Variants in AUTS2 observed in about 807,000 individuals in gnomAD.
AUTS2 encodes activator of transcription and developmental regulator AUTS2, also known as autism susceptibility gene 2 protein.
Under a neutral mutation model 112.4 loss-of-function variants are expected in AUTS2, and 17 were observed. The ratio of observed to expected loss-of-function variants is 0.15; its 90% confidence interval spans 0.10 to 0.23. The LOEUF (loss-of-function observed/expected upper bound fraction) is 0.23, where lower values mean the gene tolerates loss of function less well. Among genes scored for constraint, AUTS2 ranks in the 10% least tolerant of loss-of-function variants. AUTS2 has a pLI of 1.00. For missense variants in AUTS2, 1,510 were observed against 1,701.6 expected (o/e 0.89, Z 1.98); for synonymous variants, 751 against 702.7 (o/e 1.07, Z -1.09).
intron 4 of AUTS2, among the ~76,000 whole-genome samples, chr7:70,158,186 T>A (rs1409211653): frequency 6.6e-6 from 1 of 151,854 alleles, no homozygotes; most frequent in Admixed American, 6.6e-5. Context: ...TCCCAAGTGG[T>A]CTTGACAAGT....
intron 5 of AUTS2, among the ~76,000 whole-genome samples, chr7:70,443,775 TA>T (rs1380517378): frequency 6.6e-6 from 1 of 152,226 alleles, no homozygotes; most frequent in Non-Finnish European, 1.5e-5. Context: ...TATAGTTGCT[TA>T]ACTCTGATGG....
intron 1 of AUTS2, among the ~76,000 whole-genome samples, chr7:69,725,962 A>G (rs1375512338): frequency 6.7e-6 from 1 of 149,992 alleles, no homozygotes; most frequent in Non-Finnish European, 1.5e-5. Context: ...AAGGGTAGAA[A>G]AGTTAGATTA....
intron 4 of AUTS2, among the ~76,000 whole-genome samples, chr7:70,157,595 A>G (rs1453410778): frequency 6.6e-6 from 1 of 152,186 alleles, no homozygotes; most frequent in Non-Finnish European, 1.5e-5. Context: ...GCTAGGAGGC[A>G]TGAGCCACCA....
intron 1 of AUTS2, among the ~76,000 whole-genome samples, chr7:69,833,750 G>A (rs1279249559): frequency 6.6e-6 from 1 of 152,106 alleles, no homozygotes; most frequent in Non-Finnish European, 1.5e-5. Flanking sequence ...CCTGATATTT[G>A]ATCCTGAAAA....
At chr7:70,314,641 G>T (rs897902857) in intron 4 of AUTS2, among the ~76,000 whole-genome samples, 1 of 151,874 alleles carries the variant, frequency 6.6e-6, no homozygotes, top group Non-Finnish European at 1.5e-5. Flanking sequence ...CCAGACTTTC[G>T]TATCACACTT....
At chr7:70,625,866 T>G (rs2057911) in intron 5 of AUTS2, among the ~76,000 whole-genome samples, 1 of 152,268 alleles carries the variant, frequency 6.6e-6, no homozygotes, top group Non-Finnish European at 1.5e-5. Flanking sequence ...TTTTTCAGCT[T>G]TCGAATCATC....
intron 4 of AUTS2, among the ~76,000 whole-genome samples, chr7:70,416,247 A>G (rs562290740): frequency 1.1e-4 from 16 of 152,360 alleles, no homozygotes; most frequent in South Asian, 2.1e-4. Flanking sequence ...TCAATAGTCT[A>G]TGCCTTCAAT....
chr7:69,672,415 A>G (rs1339728948), intron 1 of AUTS2, among the ~76,000 whole-genome samples: 2 of 152,186 alleles, frequency 1.3e-5, no homozygotes, highest in East Asian at 3.8e-4. Flanking sequence ...CATGAACTCT[A>G]TCTTGGATAT....
chr7:70,091,831 C>T (rs939681766), intron 2 of AUTS2, among the ~76,000 whole-genome samples: 1 of 152,138 alleles, frequency 6.6e-6, no homozygotes, highest in Non-Finnish European at 1.5e-5. Context: ...TTATACCCAA[C>T]ATGTAGGAAT....
chr7:69,887,812 G>T (rs1437426745), intron 1 of AUTS2, among the ~76,000 whole-genome samples: 1 of 152,106 alleles, frequency 6.6e-6, no homozygotes, highest in South Asian at 2.1e-4. Flanking sequence ...ATTATAATTT[G>T]GCCTTGATAT....
intron 1 of AUTS2, among the ~76,000 whole-genome samples, chr7:69,657,554 C>T (rs1166372948): frequency 2.0e-5 from 3 of 152,158 alleles, no homozygotes; most frequent in African/African-American, 7.2e-5. Context: ...GCCGGAGGTC[C>T]TGGCCTGGAA....
rs1435406989 is a variant in AUTS2 at position 69,894,266 on chromosome 7, T to TG, written c.310-5020_310-5019insG. 4.9e-3 allele frequency among the ~76,000 whole-genome samples: 585 copies of TG among 118,784 alleles called. 5 individuals carry two copies. Among genetic ancestry groups the TG allele is most frequent in the African/African-American group, 0.016 (562 of 34,210 alleles). The allele number at this position is 118,784 out of a possible 152,430, so 77.9% of individuals were successfully genotyped here. A position where few individuals can be genotyped will look rare whatever the true frequency, so the allele number is the denominator to read the frequency against. Reference sequence around the variant, plus strand: ...TGCCTTAAAGCGTTTTTTTTTTTTTTTTTTTTTTTTTTAACAGATTTCTTT... The same window carrying TG: ...TGCCTTAAAGCGTTTTTTTTTTTTTTGTTTTTTTTTTTTAACAGATTTCTTT... On this transcript the variant is annotated intron_variant, in intron 1 of 18. Transcript: ENST00000342771.
chr7:70,064,427 T>C (rs1376408048), intron 2 of AUTS2, among the ~76,000 whole-genome samples: 1 of 152,130 alleles, frequency 6.6e-6, no homozygotes, highest in Non-Finnish European at 1.5e-5. Context: ...ATCCAGCAAG[T>C]AGATAGTATA....
intron 4 of AUTS2, among the ~76,000 whole-genome samples, chr7:70,156,782 G>T (rs1807785226): frequency 6.6e-6 from 1 of 150,824 alleles, no homozygotes; most frequent in South Asian, 2.1e-4. Context: ...TGGCGTGGTG[G>T]CTCATGCCTA....
intron 2 of AUTS2, among the ~76,000 whole-genome samples, chr7:69,948,773 CATTTATTTA>C (rs1241689833): frequency 6.8e-6 from 1 of 147,038 alleles, no homozygotes; most frequent in South Asian, 2.2e-4. Flanking sequence ...AATTTTCTTT[CATTTATTTA>C]TTTATTTATT....
intron 3 of AUTS2, chr7:70,119,367 ATT>A (rs34967195): frequency 4.9e-4 from 68 of 138,186 alleles, no homozygotes; most frequent in Middle Eastern, 8.3e-3. Flanking sequence ...AAGTAAAGAG[ATT>A]TTTTTTTTTT....
chr7:69,897,223 G>A (rs972393010), intron 1 of AUTS2, among the ~76,000 whole-genome samples: 2 of 152,240 alleles, frequency 1.3e-5, no homozygotes, highest in African/African-American at 2.4e-5. Context: ...AAAGGGAGGA[G>A]TGTGTAAGAG....
chr7:69,822,107 T>TGA (rs1791027333), intron 1 of AUTS2, among the ~76,000 whole-genome samples: 1 of 152,048 alleles, frequency 6.6e-6, no homozygotes, highest in East Asian at 1.9e-4. Flanking sequence ...GTGAGGCAGA[T>TGA]GAGAAGGGCT....
intron 4 of AUTS2, among the ~76,000 whole-genome samples, chr7:70,221,942 A>G (rs1306885582): frequency 1.3e-5 from 2 of 152,156 alleles, no homozygotes; most frequent in East Asian, 3.8e-4. Flanking sequence ...TTTTATCATC[A>G]TATATTTTGT....
Sources: allele counts gnomAD v4.1 joint callset (sites outside exome capture counted in the v4.1 genomes callset), GRCh38; gene constraint gnomAD v4.1.1; transcripts MANE v1.5; gene names NCBI Gene and HGNC (gene_info 2026-07-23, HGNC 2026-07-21).